The following ERC1 variants were observed in gnomAD, a reference collection of about 807,000 sequenced individuals.
The protein encoded by ERC1 is RAB6 interacting protein 2.
Under a neutral mutation model 132.0 loss-of-function variants are expected in ERC1, and 56 were observed. The ratio of observed to expected loss-of-function variants is 0.42; its 90% confidence interval spans 0.34 to 0.53. The LOEUF (loss-of-function observed/expected upper bound fraction) is 0.53, where lower values mean the gene tolerates loss of function less well. Ranked by LOEUF, ERC1 falls within the 20% of genes least tolerant of loss-of-function variation. The pLI is 0.03. For synonymous variants in ERC1, 478 were observed against 476.1 expected (o/e 1.00, Z -0.05); for missense variants, 1,202 against 1,349.9 (o/e 0.89, Z 1.72).
intron 13 of ERC1, among the ~76,000 whole-genome samples, chr12:1,241,212 C>T (rs1027009306): frequency 6.6e-6 from 1 of 152,110 alleles, no homozygotes; most frequent in Non-Finnish European, 1.5e-5. Flanking sequence ...ATTTTTTGCT[C>T]ATTTTACATA....
chr12:1,047,391 C>A (rs900762045), intron 2 of ERC1, among the ~76,000 whole-genome samples: 1 of 151,714 alleles, frequency 6.6e-6, no homozygotes, highest in Admixed American at 6.6e-5. Flanking sequence ...TTCTACCCCC[C>A]ACCCCCCAAA....
intron 16 of ERC1, among the ~76,000 whole-genome samples, chr12:1,401,006 G>A (rs1254557338): frequency 8.1e-6 from 1 of 123,498 alleles, no homozygotes; most frequent in East Asian, 2.8e-4. Context: ...CGTGATCTGG[G>A]CTCACTGCAA....
intron 15 of ERC1, among the ~76,000 whole-genome samples, chr12:1,302,098 C>T (rs533690850): frequency 1.3e-5 from 2 of 152,080 alleles, no homozygotes; most frequent in African/African-American, 2.4e-5. Context: ...CATAAAAGTC[C>T]CTAACAAAAC....
chr12:1,425,025 C>T (rs1243797325), intron 17 of ERC1, among the ~76,000 whole-genome samples: 2 of 151,264 alleles, frequency 1.3e-5, no homozygotes, highest in Non-Finnish European at 3.0e-5. Context: ...ACCTAAGAAC[C>T]TTTTTTTTTC....
intron 16 of ERC1, among the ~76,000 whole-genome samples, chr12:1,399,308 C>T (rs1282849792): frequency 1.3e-5 from 2 of 152,066 alleles, no homozygotes; most frequent in African/African-American, 4.8e-5. Flanking sequence ...TGCACATTGG[C>T]TTATTTTATA....
chr12:1,412,346 T>C (rs2091897233), intron 17 of ERC1, among the ~76,000 whole-genome samples: 1 of 152,236 alleles, frequency 6.6e-6, no homozygotes, highest in Non-Finnish European at 1.5e-5. Flanking sequence ...TACATACTGA[T>C]CAAGTGTGAG....
intron 15 of ERC1, among the ~76,000 whole-genome samples, chr12:1,352,796 T>G (rs1313058178): frequency 1.3e-5 from 2 of 152,234 alleles, no homozygotes; most frequent in African/African-American, 4.8e-5. Context: ...TTCTTTCTAT[T>G]GCTTTTTCTC....
Position 1,366,737 on chromosome 12 carries a change from T to G in ERC1, c.2781-5096T>G, listed in dbSNP as rs114310924. 6.5e-3 allele frequency among the ~76,000 whole-genome samples: 988 copies of G among 152,282 alleles called. 9 individuals are homozygous for G. The highest frequency in any genetic ancestry group is 0.023 in the African/African-American group (939 of 41,562). ...CCAAGATAAAAGGGTGGGAGTGACG[T>G]GCACAGACAAAACAGTGGGTACATT... On this transcript the variant is annotated intron_variant, in intron 15 of 18. Coordinates refer to ENST00000360905, the MANE Select transcript of ERC1 (RefSeq NM_178040.4).
At chr12:1,059,846 G>C (rs1360740612) in intron 2 of ERC1, among the ~76,000 whole-genome samples, 1 of 152,074 alleles carries the variant, frequency 6.6e-6, no homozygotes, top group Non-Finnish European at 1.5e-5. Context: ...ATGCTGGCTG[G>C]CCCTATAGAG....
intron 11 of ERC1, among the ~76,000 whole-genome samples, chr12:1,184,294 G>A (rs931105902): frequency 4.0e-5 from 6 of 151,366 alleles, no homozygotes; most frequent in Non-Finnish European, 8.8e-5. Context: ...TTTTTTTAAA[G>A]ACAGGGCACA....
At chr12:1,130,953 T>C (rs1948705927) in intron 7 of ERC1, among the ~76,000 whole-genome samples, 1 of 152,104 alleles carries the variant, frequency 6.6e-6, no homozygotes, top group Non-Finnish European at 1.5e-5. Context: ...AGCTTTAAAG[T>C]TGGGAGTTTA....
chr12:1,012,709 C>T (rs138292561), intron 1 of ERC1, among the ~76,000 whole-genome samples: 1 of 152,066 alleles, frequency 6.6e-6, no homozygotes, highest in Non-Finnish European at 1.5e-5. Flanking sequence ...CTGCCTTGGC[C>T]TCCTGAAGTG....
chr12:1,372,489 C>G (rs2087362120), intron 16 of ERC1, among the ~76,000 whole-genome samples: 1 of 152,102 alleles, frequency 6.6e-6, no homozygotes, highest in Admixed American at 6.5e-5. Flanking sequence ...TAAAAGTTTC[C>G]CCTTTGATGA....
intron 1 of ERC1, among the ~76,000 whole-genome samples, chr12:1,008,367 C>T (rs1964092027): frequency 6.6e-6 from 1 of 152,166 alleles, no homozygotes; most frequent in Admixed American, 6.5e-5. Flanking sequence ...GATTTTATAA[C>T]TTATTTAACA....
intron 1 of ERC1, among the ~76,000 whole-genome samples, chr12:996,569 G>T (rs1262114321): frequency 6.6e-6 from 1 of 151,880 alleles, no homozygotes; most frequent in Non-Finnish European, 1.5e-5. Context: ...CTCCAGCCTG[G>T]GCTACATAGT....
At chr12:999,403 G>A (rs1425260083) in intron 1 of ERC1, among the ~76,000 whole-genome samples, 1 of 152,032 alleles carries the variant, frequency 6.6e-6, no homozygotes, top group Non-Finnish European at 1.5e-5. Flanking sequence ...CACTTCCTCT[G>A]GTGTTTCTTA....
At chr12:1,322,927 A>G (rs1023771850) in intron 15 of ERC1, among the ~76,000 whole-genome samples, 1 of 152,144 alleles carries the variant, frequency 6.6e-6, no homozygotes, top group Non-Finnish European at 1.5e-5. Context: ...TTGTTGATTA[A>G]AGATTAATAT....
At chr12:1,180,783 C>G in intron 9 of ERC1, 106 bp downstream of exon 9, 1 of 1,334,590 alleles carries the variant, frequency 7.5e-7, no homozygotes, top group Middle Eastern at 2.0e-4. Context: ...GGGAAAAGAG[C>G]TGCTGTGTGC....
At chr12:1,242,522 A>G (rs2154307114) in intron 13 of ERC1, among the ~76,000 whole-genome samples, 1 of 152,352 alleles carries the variant, frequency 6.6e-6, no homozygotes. Flanking sequence ...CAAGCCATAA[A>G]AAGATGAAAA....
Sources: allele counts gnomAD v4.1 joint callset (sites outside exome capture counted in the v4.1 genomes callset), GRCh38; gene constraint gnomAD v4.1.1; transcripts MANE v1.5; gene names NCBI Gene and HGNC (gene_info 2026-07-23, HGNC 2026-07-21).